ZSCAN5A: variants seen among roughly 807,000 people sequenced by gnomAD.
ZSCAN5A encodes the protein zinc finger and SCAN domain containing 5A, also known as zinc finger and SCAN domain-containing protein 5A.
A neutral mutation model predicts 23.7 loss-of-function variants in ZSCAN5A; 12 were observed. The observed-to-expected ratio is 0.51, with a 90% confidence interval of 0.32 to 0.82. The LOEUF (loss-of-function observed/expected upper bound fraction) is 0.82, where lower values mean the gene tolerates loss of function less well. Among genes scored for constraint, ZSCAN5A ranks in the 40% least tolerant of loss-of-function variants. The pLI is 0.03. For missense variants in ZSCAN5A, 597 were observed against 617.9 expected, an observed-to-expected ratio of 0.97 and a Z score of 0.36; for synonymous variants, 257 against 239.9, an observed-to-expected ratio of 1.07 and a Z score of -0.66.
Position 56,321,515 on chromosome 19 carries a change from C to T in ZSCAN5A, c.-357-5247G>A, listed in dbSNP as rs111658411. On this transcript the variant is annotated intron_variant, in intron 2 of 6. Coordinates refer to the ZSCAN5A transcript ENST00000587340. ...ACATCCTTGCACCATGCACCACTCA[C>T]ACGCACTTTCGCTGTCTGTCTGGGT... The T allele has an allele frequency of 2.4e-3, 1,721 of 727,684 alleles. 28 individuals carry two copies. In the African/African-American group the frequency reaches 0.026, roughly 11 times the overall value. The allele number at this position is 727,684 out of a possible 1,614,324, so 45.1% of individuals were successfully genotyped here. A position where few individuals can be genotyped will look rare whatever the true frequency, so the allele number is the denominator to read the frequency against.
At chr19:56,304,204 G>A (rs1028180890) in intron 2 of ZSCAN5A, among the ~76,000 whole-genome samples, 19 of 152,238 alleles carry the variant, frequency 1.2e-4, no homozygotes, top group African/African-American at 4.1e-4. Flanking sequence ...GGACCTGGCG[G>A]TGCTCATGGA....
intron 2 of ZSCAN5A, chr19:56,282,572 A>G (rs1401510465): frequency 4.2e-5 from 38 of 906,978 alleles, no homozygotes; most frequent in Non-Finnish European, 5.0e-5. Context: ...TTGCTGCTGA[A>G]CTTCGACTTA....
At position 56,352,395 on chromosome 19, in the gene ZSCAN5A, T is replaced by G. The variant is rs2041673168; in HGVS notation, c.-358+10840A>C. Among the ~76,000 whole-genome samples, 1 of 152,204 alleles carries G rather than the reference T, an allele frequency of 6.6e-6. No individual in the cohort carries two copies. The highest frequency in any genetic ancestry group is 2.1e-4 in the South Asian group (1 of 4,830). On this transcript the variant is annotated intron_variant, in intron 2 of 6. Transcript: ENST00000587340. This position sits in a 1 kb window ranked among gnomAD's most constrained non-coding sequence, Gnocchi z 4.2. ...CCACAGAAGCTAAGGCAGATTTAAG[T>G]GATCATGCAGGATGGTTAGAAGGGA... is the stretch of plus-strand genomic sequence containing the variant.
At chr19:56,346,374 AT>A (rs2041633233) in intron 2 of ZSCAN5A, among the ~76,000 whole-genome samples, 2 of 152,078 alleles carry the variant, frequency 1.3e-5, no homozygotes, top group Admixed American at 1.3e-4. Flanking sequence ...TTATCTAGGG[AT>A]CATGGGTCAC....
intron 2 of ZSCAN5A, among the ~76,000 whole-genome samples, chr19:56,294,710 C>T (rs1457794463): frequency 1.2e-4 from 18 of 152,182 alleles, no homozygotes; most frequent in African/African-American, 2.4e-5. Flanking sequence ...TCCAATAAAA[C>T]TTCATCTACA....
chr19:56,292,428 A>G (rs987484044), intron 2 of ZSCAN5A, among the ~76,000 whole-genome samples: 1 of 138,294 alleles, frequency 7.2e-6, no homozygotes, highest in African/African-American at 2.6e-5. Flanking sequence ...ACACCTAGCT[A>G]ATTATTTTTG....
chr19:56,282,385 C>A (rs575515425), intron 2 of ZSCAN5A: 2 of 645,224 alleles, frequency 3.1e-6, no homozygotes, highest in East Asian at 1.4e-4. Flanking sequence ...AATGAGGTAC[C>A]AAGGATGACT....
intron 2 of ZSCAN5A, among the ~76,000 whole-genome samples, chr19:56,298,578 G>A (rs1454595159): frequency 2.0e-5 from 3 of 151,670 alleles, no homozygotes; most frequent in Non-Finnish European, 4.4e-5. Flanking sequence ...ACTTGAACCT[G>A]GGAGGCGGAA....
Position 56,301,919 on chromosome 19 carries a change from G to A in ZSCAN5A, c.-128+11364C>T, listed in dbSNP as rs146216588. On this transcript the variant is annotated intron_variant, in intron 2 of 5. Transcript: ENST00000683990. ...GACAGCAGTGACAGGAAGCTCTAAG[G>A]CAGGAAGGGAAGGCCATCAGCATCA... The A allele has an allele frequency of 6.5e-6, 8 of 1,231,976 alleles. No individual in the cohort carries two copies. In the East Asian group the frequency reaches 2.2e-4, roughly 34 times the overall value. The allele number at this position is 1,231,976 out of a possible 1,614,324, so 76.3% of individuals were successfully genotyped here.
At chr19:56,292,932 A>C (rs191198634) in intron 2 of ZSCAN5A, among the ~76,000 whole-genome samples, 2 of 152,330 alleles carry the variant, frequency 1.3e-5, no homozygotes, top group East Asian at 3.9e-4. Flanking sequence ...ACTCCATTGC[A>C]TGGATAGACT....
At chr19:56,322,409 C>G (rs574771631) in intron 2 of ZSCAN5A, 2 of 639,144 alleles carry the variant, frequency 3.1e-6, no homozygotes, top group South Asian at 3.5e-5. Context: ...ACAAATTTGT[C>G]CAGGAGGCGG....
At chr19:56,357,644 A>G (rs538213066) in intron 2 of ZSCAN5A, among the ~76,000 whole-genome samples, 1 of 148,446 alleles carries the variant, frequency 6.7e-6, no homozygotes, top group African/African-American at 2.5e-5. Context: ...AGTGCTCTTC[A>G]AAACTACAAA....
intron 2 of ZSCAN5A, among the ~76,000 whole-genome samples, chr19:56,325,042 T>C (rs1414932284): frequency 2.0e-5 from 3 of 152,240 alleles, no homozygotes; most frequent in Non-Finnish European, 4.4e-5. Flanking sequence ...TCTCATTTTC[T>C]GTGCATGGAC....
intron 2 of ZSCAN5A, among the ~76,000 whole-genome samples, chr19:56,294,122 C>T (rs1324770862): frequency 1.3e-5 from 2 of 152,224 alleles, no homozygotes; most frequent in Non-Finnish European, 2.9e-5. Context: ...AAATCCCAAA[C>T]ACCTGCCTAA....
At chr19:56,338,391 A>G in intron 2 of ZSCAN5A, 1 of 152,212 alleles carries the variant, frequency 6.6e-6, no homozygotes, top group East Asian at 1.9e-4. Context: ...CATGTAACCC[A>G]GTACTGGAGG....
chr19:56,298,035 A>C (rs1368791942), intron 2 of ZSCAN5A: 1 of 148,470 alleles, frequency 6.7e-6, no homozygotes, highest in Admixed American at 6.8e-5. Flanking sequence ...TGATTGTGCC[A>C]CCGCATCCGG....
At chr19:56,342,627 A>G (rs1361869550) in intron 2 of ZSCAN5A, 13 of 467,644 alleles carry the variant, frequency 2.8e-5, no homozygotes, top group Non-Finnish European at 5.0e-5. Flanking sequence ...TTGATTAGGG[A>G]AAAAAATTTG....
At chr19:56,344,536 G>A (rs1010089252) in intron 2 of ZSCAN5A, among the ~76,000 whole-genome samples, 1 of 152,090 alleles carries the variant, frequency 6.6e-6, no homozygotes, top group African/African-American at 2.4e-5. Context: ...ACTTTGGGAG[G>A]CCAAGGTGGG....
chr19:56,365,151 G>T (rs2041756901), intron 1 of ZSCAN5A: 1 of 152,158 alleles, frequency 6.6e-6, no homozygotes. Flanking sequence ...TGGCCCTCTG[G>T]TTGGTAGTGG....
Sources: gnomAD v4.1 joint callset for allele counts (sites outside exome capture counted in the v4.1 genomes callset) on GRCh38, gnomAD v4.1.1 for gene constraint, Gnocchi (gnomAD v3.1) non-coding constraint, MANE v1.5 for transcripts, NCBI Gene and HGNC (gene_info 2026-07-23, HGNC 2026-07-21) for gene names.